GGTA1: variants seen among roughly 807,000 people sequenced by gnomAD.
The protein encoded by GGTA1 is inactive N-acetyllactosaminide alpha-1,3-galactosyltransferase.
GGTA1 carries 5 observed loss-of-function variants against 2.6 expected under a neutral mutation model. The ratio of observed to expected loss-of-function variants is 1.92; its 90% CI spans 1.00 to 4.04. The LOEUF (loss-of-function observed/expected upper bound fraction) is 4.04. GGTA1 is among the 30% of genes most tolerant of loss of function. GGTA1 has a pLI of 0.00. For synonymous variants in GGTA1, 17 were observed against 5.0 expected, an observed-to-expected ratio of 3.38 and a Z score of -3.19; for missense variants, 50 against 16.7, an observed-to-expected ratio of 2.99 and a Z score of -3.47.
At chr9:121,449,665 C>A (rs549032117) in intron 7 of GGTA1, among the ~76,000 whole-genome samples, 1 of 151,956 alleles carries the variant, frequency 6.6e-6, no homozygotes, top group East Asian at 1.9e-4. Flanking sequence ...TATGATGAAA[C>A]CCCATCTCTA....
intron 5 of GGTA1, among the ~76,000 whole-genome samples, chr9:121,458,576 A>G (rs939318383): frequency 1.2e-4 from 19 of 152,044 alleles, no homozygotes; most frequent in Middle Eastern, 3.4e-3. Flanking sequence ...ACAGTGAGCC[A>G]TGATTGTGCC....
chr9:121,447,584 A>G (rs922954427), exon 8 of GGTA1: 5 of 152,494 alleles, frequency 3.3e-5, no homozygotes, highest in African/African-American at 7.2e-5. Context: ...TCCTCCAAGT[A>G]ATGATCATTA....
chr9:121,493,330 C>T (rs772822578), intron 1 of GGTA1, among the ~76,000 whole-genome samples: 15 of 152,110 alleles, frequency 9.9e-5, no homozygotes, highest in African/African-American at 3.6e-4. Context: ...CTGTGCCCAC[C>T]GAGGGCTCCA....
chr9:121,483,840 G>A (rs193236320), intron 1 of GGTA1, among the ~76,000 whole-genome samples: 49 of 152,312 alleles, frequency 3.2e-4, no homozygotes, highest in African/African-American at 1.1e-3. Context: ...GGAGGTGTGA[G>A]GATTAAGTGT....
chr9:121,483,250 G>T (rs768312433), intron 1 of GGTA1, among the ~76,000 whole-genome samples: 8 of 152,120 alleles, frequency 5.3e-5, no homozygotes, highest in Admixed American at 1.3e-4. Flanking sequence ...ACTCATTCGA[G>T]GTCACCAGCT....
At chr9:121,461,945 G>A (rs1361638683) in intron 3 of GGTA1, among the ~76,000 whole-genome samples, 1 of 152,242 alleles carries the variant, frequency 6.6e-6, no homozygotes, top group Admixed American at 6.5e-5. Flanking sequence ...GAGGGTCACT[G>A]AGCAAGAAGT....
At chr9:121,450,197 A>G (rs2064871726), downstream of GGTA1, among the ~76,000 whole-genome samples, 1 of 152,202 alleles carries the variant, frequency 6.6e-6, no homozygotes, top group Non-Finnish European at 1.5e-5. Flanking sequence ...TTAAATGAAG[A>G]GAATATATCT....
At chr9:121,451,268 C>T (rs1459468376), downstream of GGTA1, among the ~76,000 whole-genome samples, 2 of 152,172 alleles carry the variant, frequency 1.3e-5, no homozygotes, top group African/African-American at 4.8e-5. Context: ...TCACTGCAAC[C>T]TCCGCCTCCC....
chr9:121,470,640 C>A (rs193254352), intron 1 of GGTA1, among the ~76,000 whole-genome samples: 1 of 152,222 alleles, frequency 6.6e-6, no homozygotes, highest in African/African-American at 2.4e-5. Flanking sequence ...CAGACCTAAC[C>A]AATTCCATCT....
chr9:121,480,061 C>CTTTTCTTTTCTTTTCTTTTCTTTTT (rs58602847), intron 1 of GGTA1, among the ~76,000 whole-genome samples: 1 of 139,828 alleles, frequency 7.2e-6, no homozygotes, highest in Non-Finnish European at 1.5e-5. Context: ...CTTTTCTTTT[C>CTTTTCTTTTCTTTTCTTTTCTTTTT]TTTTTTTTTT....
At position 121,457,710 on chromosome 9, in the gene GGTA1, A is replaced by AAC. The variant is rs1554836287; in HGVS notation, c.299-1870_299-1869insGT. On this transcript the variant is annotated intron_variant, in intron 5 of 5. Transcript: ENST00000481799. ...AGCGAGAATCCATCTTAAAAAAAAA[A>AAC]AAAAAACAGTATATAAAGAACAGAG... 2.1e-4 allele frequency among the ~76,000 whole-genome samples: 32 copies of AAC among 150,320 alleles called. No homozygotes were observed. The South Asian group carries it at 5.5e-3, about 26-fold the overall frequency.
chr9:121,475,022 G>A (rs1828476690), intron 1 of GGTA1, among the ~76,000 whole-genome samples: 1 of 152,194 alleles, frequency 6.6e-6, no homozygotes, highest in Admixed American at 6.5e-5. Context: ...CATCTTGAAT[G>A]GGAGCTGGGT....
chr9:121,454,233 C>G (rs2064893679), downstream of GGTA1, among the ~76,000 whole-genome samples: 1 of 152,202 alleles, frequency 6.6e-6, no homozygotes, highest in African/African-American at 2.4e-5. Context: ...ATGAAAGAAG[C>G]TACTGTGCAC....
downstream of GGTA1, among the ~76,000 whole-genome samples, chr9:121,453,899 G>A (rs76878131): frequency 8.8e-3 from 1,343 of 152,124 alleles, 19 homozygotes; most frequent in African/African-American, 0.029. Context: ...CTCTCCTCTC[G>A]GGCCTCCTGT....
At chr9:121,496,757 A>AAAAAAAAAAAAAGAG (rs1554838784) in intron 1 of GGTA1, among the ~76,000 whole-genome samples, 16 of 111,988 alleles carry the variant, frequency 1.4e-4, no homozygotes, top group Non-Finnish European at 2.7e-4. Flanking sequence ...AAAAAAAAAA[A>AAAAAAAAAAAAAGAG]AGAGAGAGAG....
chr9:121,456,558 C>T (rs2064913112), intron 5 of GGTA1, among the ~76,000 whole-genome samples: 1 of 152,036 alleles, frequency 6.6e-6, no homozygotes, highest in African/African-American at 2.4e-5. Context: ...GCTGGGATTA[C>T]AGGCATGGGT....
downstream of GGTA1, among the ~76,000 whole-genome samples, chr9:121,450,281 C>T (rs746220382): frequency 6.9e-6 from 1 of 144,380 alleles, no homozygotes; most frequent in Non-Finnish European, 1.5e-5. Flanking sequence ...TCTGGGACTT[C>T]GAGAAAAATC....
At chr9:121,448,593 A>C (rs796261074) in intron 7 of GGTA1, among the ~76,000 whole-genome samples, 3 of 152,364 alleles carry the variant, frequency 2.0e-5, no homozygotes, top group African/African-American at 7.2e-5. Flanking sequence ...GGCTGAGTAA[A>C]TGTAGATGAA....
At chr9:121,477,814 G>A (rs940764979) in intron 1 of GGTA1, among the ~76,000 whole-genome samples, 9 of 151,776 alleles carry the variant, frequency 5.9e-5, no homozygotes, top group Non-Finnish European at 8.8e-5. Flanking sequence ...TCCTGACCTC[G>A]TGATCTGCTC....
Sources: allele counts gnomAD v4.1 joint callset (sites outside exome capture counted in the v4.1 genomes callset), GRCh38; gene constraint gnomAD v4.1.1; transcripts MANE v1.5; gene names NCBI Gene and HGNC (gene_info 2026-07-23, HGNC 2026-07-21).